The following KCNH1 variants were observed in gnomAD, a reference collection of about 807,000 sequenced individuals.
The protein encoded by KCNH1 is voltage-gated delayed rectifier potassium channel KCNH1.
Under a neutral mutation model 69.2 loss-of-function variants are expected in KCNH1, and 27 were observed. The ratio of observed to expected loss-of-function variants is 0.39; its 90% CI spans 0.29 to 0.54. The LOEUF (loss-of-function observed/expected upper bound fraction) is 0.54, where lower values mean the gene tolerates loss of function less well. Among genes scored for constraint, KCNH1 ranks in the 20% least tolerant of loss-of-function variants. The probability of loss-of-function intolerance (pLI) is 0.68; values close to 1 mark genes in which losing one functional copy is unlikely to be tolerated. For missense variants in KCNH1, 798 were observed against 1,261.6 expected (o/e 0.63, Z 5.57); for synonymous variants, 456 against 487.7 (o/e 0.93, Z 0.86).
chr1:210,722,494 C>A (rs1447778584), intron 10 of KCNH1, among the ~76,000 whole-genome samples: 4 of 152,048 alleles, frequency 2.6e-5, no homozygotes, highest in Non-Finnish European at 5.9e-5. Flanking sequence ...AAGTTCTGTG[C>A]CCCTGGGAGC....
intron 10 of KCNH1, among the ~76,000 whole-genome samples, chr1:210,743,882 C>T (rs772964564): frequency 1.6e-4 from 25 of 152,222 alleles, no homozygotes; most frequent in Non-Finnish European, 2.8e-4. Context: ...GGACTGGGAG[C>T]TTCCCCTTCT....
intron 10 of KCNH1, among the ~76,000 whole-genome samples, chr1:210,696,220 C>T (rs553856322): frequency 2.6e-5 from 4 of 152,170 alleles, no homozygotes; most frequent in Admixed American, 2.0e-4. Flanking sequence ...TGCAACACCC[C>T]CTTCTCAGAG....
At chr1:211,092,207 T>A (rs1691065338) in intron 3 of KCNH1, among the ~76,000 whole-genome samples, 1 of 152,172 alleles carries the variant, frequency 6.6e-6, no homozygotes, top group Non-Finnish European at 1.5e-5. Flanking sequence ...CGAAAATAGA[T>A]CCTCAAGAGG....
chr1:210,972,926 C>CAAAA (rs34391382), intron 6 of KCNH1, among the ~76,000 whole-genome samples: 28 of 134,194 alleles, frequency 2.1e-4, no homozygotes, highest in African/African-American at 7.1e-4. Flanking sequence ...CCAAACGTCT[C>CAAAA]AAAAAAAAAA....
chr1:210,831,957 T>G (rs944269353), intron 7 of KCNH1, among the ~76,000 whole-genome samples: 1 of 147,108 alleles, frequency 6.8e-6, no homozygotes, highest in African/African-American at 2.6e-5. Flanking sequence ...CTGGTACAAC[T>G]GAGGAACAAT....
chr1:211,057,799 A>T (rs940366361), intron 5 of KCNH1, among the ~76,000 whole-genome samples: 2 of 152,212 alleles, frequency 1.3e-5, no homozygotes, highest in African/African-American at 4.8e-5. Flanking sequence ...AAAAAAGTTT[A>T]TTAAAGGGAT....
chr1:210,886,028 C>T (rs1002256764), intron 7 of KCNH1, among the ~76,000 whole-genome samples: 5 of 152,200 alleles, frequency 3.3e-5, no homozygotes, highest in Non-Finnish European at 5.9e-5. Context: ...TCCCCCAGCA[C>T]AGCACTTGAG....
chr1:210,800,723 C>T (rs898064994), intron 8 of KCNH1, among the ~76,000 whole-genome samples: 5 of 152,166 alleles, frequency 3.3e-5, no homozygotes, highest in East Asian at 1.9e-4. Context: ...AACCCCACCC[C>T]GGCCACCTTT....
At chr1:210,976,222 C>T (rs1456924369) in intron 6 of KCNH1, among the ~76,000 whole-genome samples, 2 of 151,900 alleles carry the variant, frequency 1.3e-5, no homozygotes, top group African/African-American at 2.4e-5. Flanking sequence ...ACTAGAAATA[C>T]CATTTGACCC....
intron 9 of KCNH1, among the ~76,000 whole-genome samples, chr1:210,792,218 T>G (rs1684224849): frequency 6.6e-6 from 1 of 152,162 alleles, no homozygotes; most frequent in Non-Finnish European, 1.5e-5. Flanking sequence ...ACTTCTTTAT[T>G]CAGGGGCTCA....
intron 10 of KCNH1, among the ~76,000 whole-genome samples, chr1:210,718,818 C>A (rs900650525): frequency 1.3e-5 from 2 of 151,586 alleles, no homozygotes; most frequent in Admixed American, 1.3e-4. Flanking sequence ...CCACATTAGA[C>A]AATGTAGCCC....
intron 6 of KCNH1, among the ~76,000 whole-genome samples, chr1:210,986,421 C>T (rs932784462): frequency 6.6e-5 from 10 of 152,150 alleles, no homozygotes; most frequent in African/African-American, 2.2e-4. Flanking sequence ...GTGGCTGGTA[C>T]TGGTTGTTCC....
intron 3 of KCNH1, among the ~76,000 whole-genome samples, chr1:211,095,928 C>A (rs186147358): frequency 1.3e-5 from 2 of 152,176 alleles, no homozygotes; most frequent in Admixed American, 1.3e-4. Flanking sequence ...GAGCCTTGGC[C>A]GCATCAGTTT....
chr1:210,761,201 G>A (rs1387894834), intron 10 of KCNH1, among the ~76,000 whole-genome samples: 5 of 125,234 alleles, frequency 4.0e-5, no homozygotes, highest in African/African-American at 9.0e-5. Flanking sequence ...GCAGTGAGCC[G>A]AGATCCCGCC....
intron 6 of KCNH1, among the ~76,000 whole-genome samples, chr1:210,970,178 A>G (rs1019889280): frequency 6.6e-6 from 1 of 151,880 alleles, no homozygotes; most frequent in Middle Eastern, 3.2e-3. Flanking sequence ...TACCTGTGCC[A>G]TGGTGGTTTG....
At chr1:211,089,315 T>C (rs566850691) in intron 4 of KCNH1, among the ~76,000 whole-genome samples, 1 of 152,274 alleles carries the variant, frequency 6.6e-6, no homozygotes, top group African/African-American at 2.4e-5. Flanking sequence ...AAACTAGAAA[T>C]CTGGCAATCA....
intron 6 of KCNH1, among the ~76,000 whole-genome samples, chr1:211,012,983 C>T (rs1571577956): frequency 6.6e-6 from 1 of 152,102 alleles, no homozygotes; most frequent in East Asian, 1.9e-4. Flanking sequence ...AACCAAATTG[C>T]TATTATGAGC....
At chr1:210,799,616 G>T (rs558264762) in intron 8 of KCNH1, among the ~76,000 whole-genome samples, 6 of 152,330 alleles carry the variant, frequency 3.9e-5, no homozygotes, top group African/African-American at 1.4e-4. Flanking sequence ...CTTTTCCAGA[G>T]AAATCAGAAG....
intron 9 of KCNH1, among the ~76,000 whole-genome samples, chr1:210,786,260 GGT>G (rs1684100179): frequency 6.6e-6 from 1 of 152,128 alleles, no homozygotes; most frequent in African/African-American, 2.4e-5. Flanking sequence ...ACACACGTAC[GGT>G]GTTTAGCATT....
Sources: allele counts gnomAD v4.1 joint callset (sites outside exome capture counted in the v4.1 genomes callset), GRCh38; gene constraint gnomAD v4.1.1; transcripts MANE v1.5; gene names NCBI Gene and HGNC (gene_info 2026-07-23, HGNC 2026-07-21).